Variants in LYRM1 observed in about 807,000 individuals in gnomAD.
The protein encoded by LYRM1 is LYR motif containing 1.
In LYRM1, 14 loss-of-function variants were observed where a neutral mutation model predicts 14.9. That is an observed-to-expected ratio of 0.94 (90% confidence interval 0.62 to 1.47). The LOEUF (loss-of-function observed/expected upper bound fraction) is 1.47, where lower values mean the gene tolerates loss of function less well. Among genes scored for constraint, LYRM1 ranks in the 40% most tolerant of loss-of-function variants. The probability of loss-of-function intolerance (pLI) is 0.00; values close to 1 mark genes in which losing one functional copy is unlikely to be tolerated. For synonymous variants in LYRM1, 43 were observed against 56.2 expected, an observed-to-expected ratio of 0.77 and a Z score of 1.05; for missense variants, 153 against 149.9, an observed-to-expected ratio of 1.02 and a Z score of -0.11.
At chr16:20,923,606 G>C (rs1051078809) in intron 3 of LYRM1, among the ~76,000 whole-genome samples, 3 of 151,812 alleles carry the variant, frequency 2.0e-5, no homozygotes, top group African/African-American at 7.3e-5. Context: ...ACTATGCACA[G>C]AACATCTTTA....
At chr16:20,915,328 C>T (rs1269493174) in intron 1 of LYRM1, among the ~76,000 whole-genome samples, 1 of 151,910 alleles carries the variant, frequency 6.6e-6, no homozygotes, top group Non-Finnish European at 1.5e-5. Context: ...GGCGTGGTGG[C>T]GGGCGCCTGT....
chr16:20,920,285 A>AAC, intron 3 of LYRM1, 71 bp downstream of exon 3: 1 of 1,157,712 alleles, frequency 8.6e-7, no homozygotes, highest in Non-Finnish European at 1.3e-6. Flanking sequence ...AAGAATGTGT[A>AAC]ACAAGAGGGC....
At chr16:20,909,260 G>A (rs922182046) in intron 1 of LYRM1, among the ~76,000 whole-genome samples, 3 of 152,178 alleles carry the variant, frequency 2.0e-5, no homozygotes, top group African/African-American at 2.4e-5. Flanking sequence ...ATAACAGGGC[G>A]TGATTTTTAA....
intron 2 of LYRM1, among the ~76,000 whole-genome samples, chr16:20,916,714 G>T (rs1488404251): frequency 5.3e-5 from 8 of 152,250 alleles, no homozygotes; most frequent in African/African-American, 1.9e-4. Flanking sequence ...CTACAGGAGT[G>T]CCTCCCCTTC....
intron 3 of LYRM1, among the ~76,000 whole-genome samples, chr16:20,923,383 C>G (rs2083294655): frequency 6.6e-6 from 1 of 151,496 alleles, no homozygotes. Flanking sequence ...ACCTATAATC[C>G]CAGCTACTCG....
chr16:20,905,433 C>A (rs1205904476), intron 1 of LYRM1, among the ~76,000 whole-genome samples: 1 of 152,160 alleles, frequency 6.6e-6, no homozygotes, highest in Non-Finnish European at 1.5e-5. Context: ...ATCTGCTATT[C>A]CTTACAAATG....
upstream of LYRM1, chr16:20,900,337 T>C (rs1161447516): frequency 7.1e-6 from 1 of 141,342 alleles, no homozygotes. Context: ...CTTCCACCAC[T>C]GCCACCGCCT....
chr16:20,919,367 G>C (rs546222454), intron 2 of LYRM1, among the ~76,000 whole-genome samples: 1 of 152,172 alleles, frequency 6.6e-6, no homozygotes, highest in South Asian at 2.1e-4. Context: ...AGTCAGTGTC[G>C]GTGAGAATAT....
At position 20,923,982 on chromosome 16, in the gene LYRM1, A is replaced by T. The variant is rs200203461; in HGVS notation, c.253-18A>T. 266 of 1,351,960 alleles carry T rather than the reference A, an allele frequency of 2.0e-4. 1 individual carries two copies. In the South Asian group the frequency reaches 3.0e-3, roughly 15 times the overall value. 83.7% of individuals were successfully genotyped at this position (1,351,960 alleles called of 1,614,324 possible). A position where few individuals can be genotyped will look rare whatever the true frequency, so the allele number is the denominator to read the frequency against. On this transcript the variant is annotated intron_variant, in intron 3 of 3. Coordinates refer to ENST00000567954, the MANE Select transcript of LYRM1 (RefSeq NM_001128302.3). ...AATGATGATGAATATGATTCTTCAT[A>T]TTATTGTTCTTATTCAGATTCATCT... is the stretch of plus-strand genomic sequence containing the variant.
chr16:20,918,279 C>T (rs1388932038), intron 2 of LYRM1, among the ~76,000 whole-genome samples: 3 of 152,118 alleles, frequency 2.0e-5, no homozygotes, highest in Non-Finnish European at 2.9e-5. Flanking sequence ...TTTCAGTTAT[C>T]GCAATAACCC....
chr16:20,923,361 G>T (rs770185251), intron 3 of LYRM1, among the ~76,000 whole-genome samples: 1 of 151,828 alleles, frequency 6.6e-6, no homozygotes, highest in Non-Finnish European at 1.5e-5. Context: ...TTAGCCGGGC[G>T]TGGTGGCGAG....
intron 1 of LYRM1, among the ~76,000 whole-genome samples, chr16:20,906,501 C>T (rs1324735260): frequency 6.6e-6 from 1 of 152,150 alleles, no homozygotes; most frequent in African/African-American, 2.4e-5. Context: ...GTAGGTCTTT[C>T]CTGAAATAAA....
At chr16:20,917,048 T>A (rs2082938760) in intron 2 of LYRM1, among the ~76,000 whole-genome samples, 1 of 147,288 alleles carries the variant, frequency 6.8e-6, no homozygotes, top group Non-Finnish European at 1.5e-5. Context: ...CGAGTCCCTG[T>A]CTCTTAAAAA....
At chr16:20,909,048 TAC>T (rs1236849825) in intron 1 of LYRM1, among the ~76,000 whole-genome samples, 2 of 152,234 alleles carry the variant, frequency 1.3e-5, no homozygotes, top group African/African-American at 4.8e-5. Flanking sequence ...TTTTCTAATA[TAC>T]AGTTTGTATT....
chr16:20,913,023 G>A (rs113605790), intron 1 of LYRM1, among the ~76,000 whole-genome samples: 10 of 151,430 alleles, frequency 6.6e-5, no homozygotes, highest in African/African-American at 1.7e-4. Context: ...CCGAGATTGC[G>A]CCATTGCACT....
chr16:20,917,261 A>G (rs892304285), intron 2 of LYRM1, among the ~76,000 whole-genome samples: 1 of 152,116 alleles, frequency 6.6e-6, no homozygotes, highest in Admixed American at 6.5e-5. Context: ...TATGTACCCC[A>G]TGAGGTCCTT....
chr16:20,924,235 A>G lies in LYRM1; in HGVS notation c.*119A>G, dbSNP rs550757910. The G allele has an allele frequency of 1.2e-4, 71 of 617,188 alleles. No individual in the cohort carries two copies. Among genetic ancestry groups the G allele is most frequent in the South Asian group, 9.4e-4 (47 of 50,120 alleles). 38.2% of individuals were successfully genotyped at this position (617,188 alleles called of 1,614,324 possible). ...CAAATGTCTTCTTAAAACCTCCACAATTGATTCTCCCCCTGTGATGTAAAC... is the reference window on the plus strand; with the variant it reads ...CAAATGTCTTCTTAAAACCTCCACAGTTGATTCTCCCCCTGTGATGTAAAC... On this transcript the variant is annotated 3_prime_UTR_variant, in exon 4 of 4. Coordinates refer to ENST00000567954, the MANE Select transcript of LYRM1 (RefSeq NM_001128302.3).
At chr16:20,907,217 T>C (rs755590546) in intron 1 of LYRM1, among the ~76,000 whole-genome samples, 17 of 152,234 alleles carry the variant, frequency 1.1e-4, no homozygotes, top group Non-Finnish European at 1.8e-4. Context: ...ACCGTGTTAC[T>C]CCAGCTTGCA....
At position 20,906,533 on chromosome 16, in the gene LYRM1, C is replaced by T. The variant is rs995981337; in HGVS notation, c.-1+5644C>T. Among the ~76,000 whole-genome samples, 10 of 152,266 alleles carry T rather than the reference C, an allele frequency of 6.6e-5. No individual in the cohort carries two copies. The East Asian group carries it at 7.7e-4, about 12-fold the overall frequency. On this transcript the variant is annotated intron_variant, in intron 1 of 3. Coordinates refer to ENST00000567954, the MANE Select transcript of LYRM1 (RefSeq NM_001128302.3). ...TAAATGGAAAGGGGTGTTTAACTTC[C>T]TGGGGCTTGAAAATCAGGGTAAATT...
Sources: allele counts gnomAD v4.1 joint callset (sites outside exome capture counted in the v4.1 genomes callset), GRCh38; gene constraint gnomAD v4.1.1; transcripts MANE v1.5; gene names NCBI Gene and HGNC (gene_info 2026-07-23, HGNC 2026-07-21).